AUTS2: variants seen among roughly 807,000 people sequenced by gnomAD.
AUTS2 encodes the protein autism susceptibility gene 2 protein.
Under a neutral mutation model 112.4 loss-of-function variants are expected in AUTS2, and 17 were observed. The observed-to-expected ratio is 0.15, with a 90% CI of 0.10 to 0.23. The LOEUF (loss-of-function observed/expected upper bound fraction) is 0.23, where lower values mean the gene tolerates loss of function less well. Ranked by LOEUF, AUTS2 falls within the 10% of genes least tolerant of loss-of-function variation. The pLI is 1.00. For missense variants in AUTS2, 1,510 were observed against 1,701.6 expected (o/e 0.89, Z 1.98); for synonymous variants, 751 against 702.7 (o/e 1.07, Z -1.09).
chr7:69,758,739 G>GT (rs371310201), intron 1 of AUTS2, among the ~76,000 whole-genome samples: 1 of 152,214 alleles, frequency 6.6e-6, no homozygotes, highest in East Asian at 1.9e-4. Context: ...GTGGAGGTGT[G>GT]TTTTTTTCTT....
intron 4 of AUTS2, among the ~76,000 whole-genome samples, chr7:70,261,416 A>C (rs938683634): frequency 1.2e-4 from 18 of 152,212 alleles, no homozygotes; most frequent in Admixed American, 1.2e-3. Context: ...ATATAGATAC[A>C]GACATATTTG....
chr7:70,428,078 A>C (rs1562951682), intron 4 of AUTS2, among the ~76,000 whole-genome samples: 1 of 152,212 alleles, frequency 6.6e-6, no homozygotes, highest in Non-Finnish European at 1.5e-5. Context: ...TTATTTGATC[A>C]GGCGTAGTTA....
chr7:70,371,770 G>A (rs1229925725), intron 4 of AUTS2, among the ~76,000 whole-genome samples: 1 of 152,132 alleles, frequency 6.6e-6, no homozygotes. Context: ...ATATCCTAGT[G>A]GTTGGCTCAT....
At chr7:70,005,770 C>A (rs1316432749) in intron 2 of AUTS2, among the ~76,000 whole-genome samples, 1 of 152,042 alleles carries the variant, frequency 6.6e-6, no homozygotes, top group Non-Finnish European at 1.5e-5. Context: ...GGGAGATTCC[C>A]AAATGTGATC....
At chr7:70,153,252 A>G (rs1340768165) in intron 4 of AUTS2, among the ~76,000 whole-genome samples, 1 of 152,232 alleles carries the variant, frequency 6.6e-6, no homozygotes, top group African/African-American at 2.4e-5. Flanking sequence ...GGAACAATGT[A>G]TTGATACATG....
chr7:69,911,055 G>A (rs1161910564), intron 2 of AUTS2, among the ~76,000 whole-genome samples: 2 of 152,218 alleles, frequency 1.3e-5, no homozygotes, highest in African/African-American at 2.4e-5. Flanking sequence ...GGAATTCTGG[G>A]AGTTACAATT....
intron 5 of AUTS2, among the ~76,000 whole-genome samples, chr7:70,521,205 G>A (rs981571920): frequency 2.6e-5 from 4 of 152,160 alleles, no homozygotes; most frequent in Admixed American, 1.3e-4. Flanking sequence ...TCTGGAATGA[G>A]GGTTCTTGTA....
intron 4 of AUTS2, among the ~76,000 whole-genome samples, chr7:70,277,221 T>C (rs1787971507): frequency 6.6e-6 from 1 of 152,216 alleles, no homozygotes; most frequent in Non-Finnish European, 1.5e-5. Context: ...ATTGAAGCCT[T>C]TGGATGATCG....
intron 2 of AUTS2, among the ~76,000 whole-genome samples, chr7:70,107,072 C>G (rs556856705): frequency 2.6e-5 from 4 of 152,098 alleles, no homozygotes; most frequent in Admixed American, 6.6e-5. Flanking sequence ...TGAACAAGTA[C>G]TTTAAAAATT....
At chr7:69,618,754 C>T (rs1030455147) in intron 1 of AUTS2, among the ~76,000 whole-genome samples, 3 of 152,114 alleles carry the variant, frequency 2.0e-5, no homozygotes, top group African/African-American at 7.2e-5. Flanking sequence ...CACCCATGTA[C>T]CCACCACCAA....
chr7:69,891,247 G>A (rs545895366), intron 1 of AUTS2, among the ~76,000 whole-genome samples: 7 of 152,202 alleles, frequency 4.6e-5, no homozygotes, highest in South Asian at 4.2e-4. Context: ...AATCTTTTCC[G>A]TCTGATTTCT....
At chr7:70,581,577 T>C (rs1381546396) in intron 5 of AUTS2, among the ~76,000 whole-genome samples, 1 of 152,178 alleles carries the variant, frequency 6.6e-6, no homozygotes, top group Non-Finnish European at 1.5e-5. Context: ...CATTGGGCTC[T>C]TAACCAGAGA....
At chr7:70,334,095 A>G (rs192554298) in intron 4 of AUTS2, among the ~76,000 whole-genome samples, 214 of 152,252 alleles carry the variant, frequency 1.4e-3, no homozygotes, top group African/African-American at 5.0e-3. Flanking sequence ...TTTCTTGTCT[A>G]ATTGCCCTGG....
At chr7:70,592,142 C>A (rs1470230527) in intron 5 of AUTS2, among the ~76,000 whole-genome samples, 1 of 151,992 alleles carries the variant, frequency 6.6e-6, no homozygotes, top group African/African-American at 2.4e-5. Flanking sequence ...TTCATATTTG[C>A]CATCGATATA....
intron 6 of AUTS2, among the ~76,000 whole-genome samples, chr7:70,758,074 G>A (rs1269056771): frequency 1.3e-5 from 2 of 151,936 alleles, no homozygotes; most frequent in South Asian, 2.1e-4. Context: ...GAGCCGCTGC[G>A]CCCAGCCACA....
intron 1 of AUTS2, among the ~76,000 whole-genome samples, chr7:69,747,849 A>G (rs1787569079): frequency 6.6e-6 from 1 of 150,726 alleles, no homozygotes; most frequent in African/African-American, 2.4e-5. Flanking sequence ...GCCAGAAATT[A>G]TTTGCGTACG....
At chr7:69,612,072 C>T (rs1178937753) in intron 1 of AUTS2, among the ~76,000 whole-genome samples, 1 of 151,848 alleles carries the variant, frequency 6.6e-6, no homozygotes, top group African/African-American at 2.4e-5. Flanking sequence ...TTAACTATAG[C>T]TGTTAGTTGT....
intron 4 of AUTS2, among the ~76,000 whole-genome samples, chr7:70,321,592 C>T (rs76527866): frequency 0.03 from 4,495 of 152,166 alleles, 114 homozygotes; most frequent in Middle Eastern, 0.061. Context: ...CTCTCTACTC[C>T]CCTCTCCTCC....
intron 5 of AUTS2, among the ~76,000 whole-genome samples, chr7:70,544,704 T>A (rs1585281132): frequency 1.3e-5 from 2 of 152,224 alleles, no homozygotes; most frequent in South Asian, 4.1e-4. Context: ...GAGACCATGC[T>A]GACTTTCATT....
Sources: gnomAD v4.1 joint callset for allele counts (sites outside exome capture counted in the v4.1 genomes callset) on GRCh38, gnomAD v4.1.1 for gene constraint, MANE v1.5 for transcripts, NCBI Gene and HGNC (gene_info 2026-07-23, HGNC 2026-07-21) for gene names.